MTDH: variants seen among roughly 807,000 people sequenced by gnomAD.
MTDH encodes protein LYRIC.
In MTDH, 34 loss-of-function variants were observed where a neutral mutation model predicts 72.7. The observed-to-expected ratio is 0.47, with a 90% CI of 0.36 to 0.62. The LOEUF is 0.62. Among genes scored for constraint, MTDH ranks in the 20% least tolerant of loss-of-function variants. The probability of loss-of-function intolerance (pLI) is 0.00; values close to 1 mark genes in which losing one functional copy is unlikely to be tolerated. For missense variants in MTDH, 677 were observed against 699.4 expected, an observed-to-expected ratio of 0.97 and a Z score of 0.36; for synonymous variants, 266 against 268.9, an observed-to-expected ratio of 0.99 and a Z score of 0.10.
intron 8 of MTDH, among the ~76,000 whole-genome samples, chr8:97,709,853 CA>C (rs1440162416): frequency 6.6e-6 from 1 of 152,114 alleles, no homozygotes; most frequent in Admixed American, 6.5e-5. Context: ...ATTTAAAATA[CA>C]TTTATCAAAA....
chr8:97,711,135 C>T (rs189398621), intron 8 of MTDH, among the ~76,000 whole-genome samples: 3 of 152,184 alleles, frequency 2.0e-5, no homozygotes, highest in Admixed American at 6.5e-5. Context: ...AATGACATGA[C>T]CTCTCAAATT....
At position 97,644,710 on chromosome 8, in the gene MTDH, C is replaced by T; in HGVS notation, c.204C>T (p.Gly68=). 6.3e-7 allele frequency: 1 copy of T among 1,597,708 alleles called. No individual in the cohort carries two copies. Among genetic ancestry groups the T allele is most frequent in the East Asian group, 2.3e-5 (1 of 42,668 alleles). The part of the protein sequence containing the change: ...ALGLLLLFLL[G]YGWAAACAGA... ...GGCTGCTGCTGCTGTTTCTGCTGGG[C>T]TACGGCTGGGCCGCGGCTTGCGCCG... Residue 68 remains glycine (G), a synonymous_variant, in exon 1 of 12, where the codon GGC becomes GGT. Transcript: ENST00000336273.
In MTDH at chr8:97,644,750, C is replaced by A; in HGVS notation, c.244C>A (p.Arg82=). 1 of 1,569,784 alleles carries A rather than the reference C, an allele frequency of 6.4e-7. No individual in the cohort carries two copies. Among genetic ancestry groups the A allele is most frequent in the Non-Finnish European group, 8.6e-7 (1 of 1,165,258 alleles). The change falls in exon 1 of 12, where the codon CGG becomes AGG. Residue 82 remains arginine, a synonymous_variant. Coordinates refer to ENST00000336273, the MANE Select transcript of MTDH (RefSeq NM_178812.4). ...GGCTTGCGCCGGCGCCCGCAAAAAG[C>A]GGAGGAGCCCGCCCCGCAAGCGGGA... ...AAACAGARKK[R]RSPPRKREEA...
rs1216670351 is a variant in MTDH at position 97,706,730 on chromosome 8, C to G, written c.1252C>G (p.Pro418Ala). 1 of 1,613,496 alleles carries G rather than the reference C, an allele frequency of 6.2e-7. No homozygotes were observed. ...ERASLLKSQE[P>A]IPDDQKVSDD... ...AGCTTCACTTCTAAAGTCCCAGGAA[C>G]CAATTCCTGATGATCAAAAGGTGAG... The change falls in exon 8 of 12, where the codon CCA becomes GCA. Residue 418 changes from proline (P) to alanine (A), a missense_variant. By Grantham distance (27) the Pro-to-Ala change is conservative. This residue lies in a region of MTDH where 201 missense variants were observed against 204.5 expected (regional missense o/e 0.98). Transcript: ENST00000336273.
At chr8:97,713,557 G>A in intron 8 of MTDH, 105 bp from the exon 9 acceptor site, 1 of 611,804 alleles carries the variant, frequency 1.6e-6, no homozygotes, top group Non-Finnish European at 2.8e-6. Context: ...TAGATTTTGG[G>A]AAATGAAGAC....
chr8:97,645,412 A>G (rs1215217131), intron 1 of MTDH, among the ~76,000 whole-genome samples: 1 of 152,164 alleles, frequency 6.6e-6, no homozygotes, highest in Non-Finnish European at 1.5e-5. Flanking sequence ...CTTCCATTTT[A>G]GTTGGGACTG....
intron 8 of MTDH, among the ~76,000 whole-genome samples, chr8:97,708,635 C>T (rs1244425933): frequency 4.7e-5 from 4 of 85,768 alleles, no homozygotes; most frequent in Admixed American, 1.6e-4. Context: ...GGAGTTTCCC[C>T]GTCTCCCAGG....
intron 6 of MTDH, among the ~76,000 whole-genome samples, chr8:97,697,127 A>T (rs9773451): frequency 4.7e-5 from 4 of 84,994 alleles, no homozygotes; most frequent in Admixed American, 1.3e-4. Flanking sequence ...CACAAAAAAA[A>T]AAATATATAT....
chr8:97,673,029 T>G (rs1168386379), intron 2 of MTDH, among the ~76,000 whole-genome samples: 2 of 152,204 alleles, frequency 1.3e-5, no homozygotes, highest in African/African-American at 4.8e-5. Context: ...CACGGCTGTA[T>G]GTAATTCAGT....
intron 2 of MTDH, among the ~76,000 whole-genome samples, chr8:97,670,839 C>T (rs973100746): frequency 1.3e-5 from 2 of 152,004 alleles, no homozygotes; most frequent in Non-Finnish European, 2.9e-5. Flanking sequence ...TCACTGCAAC[C>T]TCCGCCACCT....
intron 2 of MTDH, among the ~76,000 whole-genome samples, chr8:97,663,172 G>T (rs936885355): frequency 6.6e-6 from 1 of 151,838 alleles, no homozygotes. Context: ...TCCCTGAATT[G>T]CCCTGAAAAA....
At chr8:97,694,937 A>AG (rs1813768909) in intron 6 of MTDH, among the ~76,000 whole-genome samples, 1 of 152,088 alleles carries the variant, frequency 6.6e-6, no homozygotes, top group Non-Finnish European at 1.5e-5. Flanking sequence ...AGAAAAAAAA[A>AG]AAGACCTTCC....
intron 1 of MTDH, among the ~76,000 whole-genome samples, chr8:97,657,529 G>T (rs764557920): frequency 6.6e-6 from 1 of 151,700 alleles, no homozygotes; most frequent in African/African-American, 2.4e-5. Context: ...CTTGAGACAG[G>T]GTCTCACTTT....
chr8:97,700,686 A>T (rs926759170), intron 7 of MTDH, among the ~76,000 whole-genome samples: 1 of 152,192 alleles, frequency 6.6e-6, no homozygotes, highest in African/African-American at 2.4e-5. Context: ...AAACATTTCT[A>T]TGTGGTAGGT....
chr8:97,691,827 CT>C (rs1312929251), intron 6 of MTDH, among the ~76,000 whole-genome samples: 1 of 151,976 alleles, frequency 6.6e-6, no homozygotes, highest in East Asian at 1.9e-4. Flanking sequence ...TTTCTTCTCC[CT>C]CCCTTTCTCC....
chr8:97,691,689 GTGTGTGTGTGTGTT>G (rs945017355), intron 6 of MTDH, among the ~76,000 whole-genome samples: 9 of 147,486 alleles, frequency 6.1e-5, no homozygotes, highest in Non-Finnish European at 1.2e-4. Flanking sequence ...AGCTTAATTT[GTGTGTGTGTGTGTT>G]TGTGTGTGTG....
At chr8:97,681,566 T>C (rs1813075784) in intron 2 of MTDH, among the ~76,000 whole-genome samples, 1 of 148,372 alleles carries the variant, frequency 6.7e-6, no homozygotes, top group African/African-American at 2.5e-5. Flanking sequence ...TGATCTCAGC[T>C]CACTGCAACC....
chr8:97,695,998 C>T (rs578097912), intron 6 of MTDH, among the ~76,000 whole-genome samples: 1 of 152,282 alleles, frequency 6.6e-6, no homozygotes, highest in South Asian at 2.1e-4. Flanking sequence ...CCAAAACTGC[C>T]TAGCAAAGTT....
At chr8:97,659,178 T>G (rs778936633) in intron 1 of MTDH, among the ~76,000 whole-genome samples, 1 of 152,022 alleles carries the variant, frequency 6.6e-6, no homozygotes, top group Non-Finnish European at 1.5e-5. Context: ...GAAAGTAAAA[T>G]TAAACAAAGT....
Sources: allele counts gnomAD v4.1 joint callset (sites outside exome capture counted in the v4.1 genomes callset), GRCh38; gene constraint gnomAD v4.1.1; regional missense constraint gnomAD v4.1.1; transcripts MANE v1.5; gene names NCBI Gene and HGNC (gene_info 2026-07-23, HGNC 2026-07-21).